Variants in KLHL8 observed in about 807,000 individuals in gnomAD.
KLHL8 encodes the protein kelch-like protein 8.
Under a neutral mutation model 63.5 loss-of-function variants are expected in KLHL8, and 38 were observed. That is an observed-to-expected ratio of 0.60 (90% CI 0.46 to 0.78). KLHL8 has a LOEUF of 0.78. Among genes scored for constraint, KLHL8 ranks in the 30% least tolerant of loss-of-function variants. The pLI is 0.00. For synonymous variants in KLHL8, 224 were observed against 254.3 expected, an observed-to-expected ratio of 0.88 and a Z score of 1.13; for missense variants, 566 against 752.4, an observed-to-expected ratio of 0.75 and a Z score of 2.90.
Position 87,160,271 on chromosome 4 carries a change from A to G in KLHL8, c.*3248T>C, listed in dbSNP as rs1437575686. ...TGGTTTTAAGAAAATATTATAGAGA[A>G]GTTTTACTGACACTTGGAATTTTAC... On this transcript the variant is annotated 3_prime_UTR_variant, in exon 10 of 10. Coordinates refer to ENST00000273963, the MANE Select transcript of KLHL8 (RefSeq NM_020803.5). The G allele has an allele frequency of 6.6e-6, 1 of 152,208 alleles. No homozygotes were observed. The highest frequency in any genetic ancestry group is 2.4e-5 in the African/African-American group (1 of 41,462). The allele number at this position is 152,208 out of a possible 1,614,324, so 9.4% of individuals were successfully genotyped here.
chr4:87,207,421 CAGGA>C (rs1732176209), intron 1 of KLHL8: 1 of 691,852 alleles, frequency 1.4e-6, no homozygotes, highest in South Asian at 1.5e-5. Context: ...AGCTCACTTG[CAGGA>C]AGGAGCCAAA....
chr4:87,226,561 C>T, intron 1 of KLHL8, among the ~76,000 whole-genome samples: 1 of 119,426 alleles, frequency 8.4e-6, no homozygotes, highest in African/African-American at 3.4e-5. Context: ...GACTCTGTCT[C>T]TCTCTCGCTC....
chr4:87,228,898 C>G (rs1217283424), intron 1 of KLHL8, among the ~76,000 whole-genome samples: 1 of 152,222 alleles, frequency 6.6e-6, no homozygotes, highest in African/African-American at 2.4e-5. Flanking sequence ...CAATCTACCA[C>G]CCATGTACCC....
Position 87,161,032 on chromosome 4 carries a change from CTTTTT to C in KLHL8, c.*2482_*2486del, listed in dbSNP as rs1185722917. 2 of 136,962 alleles carry C rather than the reference CTTTTT, an allele frequency of 1.5e-5. No homozygotes were observed. Among genetic ancestry groups the C allele is most frequent in the Non-Finnish European group, 3.1e-5 (2 of 64,556 alleles). The allele number at this position is 136,962 out of a possible 1,614,324, so 8.5% of individuals were successfully genotyped here. ...GAGAACTGTGCACATATTGATTCTG[CTTTTT>C]TATCTTTTTTTTTTTTTTTTTTTTG... On this transcript the variant is annotated 3_prime_UTR_variant, in exon 10 of 10. Coordinates refer to ENST00000273963, the MANE Select transcript of KLHL8 (RefSeq NM_020803.5).
intron 1 of KLHL8, among the ~76,000 whole-genome samples, chr4:87,197,190 A>G (rs1731731396): frequency 1.1e-5 from 1 of 94,640 alleles, no homozygotes; most frequent in African/African-American, 3.2e-5. Flanking sequence ...GCATGCAGGA[A>G]GAACCTGTGA....
chr4:87,219,828 A>C (rs1732752118), intron 1 of KLHL8: 1 of 152,266 alleles, frequency 6.6e-6, no homozygotes, highest in African/African-American at 2.4e-5. Flanking sequence ...GCTCCCGGGA[A>C]GGCACCTCCA....
chr4:87,169,977 C>T (rs542774662), intron 8 of KLHL8, 102 bp downstream of exon 8: 76 of 870,312 alleles, frequency 8.7e-5, no homozygotes, highest in Non-Finnish European at 1.2e-4. Flanking sequence ...ATTTCAGGAC[C>T]GATTCTACTT....
At chr4:87,177,392 A>G (rs1426454057) in intron 5 of KLHL8, among the ~76,000 whole-genome samples, 1 of 152,058 alleles carries the variant, frequency 6.6e-6, no homozygotes, top group Non-Finnish European at 1.5e-5. Flanking sequence ...CTGTAATCCC[A>G]GCTACTTGGG....
intron 1 of KLHL8, among the ~76,000 whole-genome samples, chr4:87,201,444 G>C (rs753302693): frequency 2.0e-5 from 3 of 152,302 alleles, no homozygotes; most frequent in Non-Finnish European, 4.4e-5. Context: ...TATAATTGAA[G>C]AGATTTAAAC....
At chr4:87,221,288 G>C (rs907656138), upstream of KLHL8, 1 of 151,374 alleles carries the variant, frequency 6.6e-6, no homozygotes, top group Non-Finnish European at 1.5e-5. Context: ...CCAGCTATTC[G>C]CAAGGCTGAG....
chr4:87,235,643 C>T (rs530923401), intron 1 of KLHL8, among the ~76,000 whole-genome samples: 2 of 152,284 alleles, frequency 1.3e-5, no homozygotes, highest in South Asian at 2.1e-4. Flanking sequence ...ATCATTTAAT[C>T]GTCACCTAGC....
rs924133072 is a variant in KLHL8 at position 87,163,254 on chromosome 4, A to G, written c.*265T>C. ...CAAGATTTTTGGCACTACTTTAAGC[A>G]TTTTTCAGGGTAGGTATGATTTTAA... On this transcript the variant is annotated 3_prime_UTR_variant, in exon 10 of 10. Transcript: ENST00000273963. 3.9e-6 allele frequency: 1 copy of G among 256,736 alleles called. No individual in the cohort carries two copies. The highest frequency in any genetic ancestry group is 2.2e-5 in the African/African-American group (1 of 44,600). The allele number at this position is 256,736 out of a possible 1,614,324, so 15.9% of individuals were successfully genotyped here.
chr4:87,204,620 C>T (rs888881746), intron 1 of KLHL8, among the ~76,000 whole-genome samples: 3 of 152,302 alleles, frequency 2.0e-5, no homozygotes, highest in African/African-American at 7.2e-5. Context: ...TACAATAGAA[C>T]ACTACCTCAC....
chr4:87,196,209 A>G lies in KLHL8; in HGVS notation c.-151-519T>C, dbSNP rs549976923. 5.3e-5 allele frequency among the ~76,000 whole-genome samples: 8 copies of G among 151,992 alleles called. No individual in the cohort carries two copies. The South Asian group carries it at 1.7e-3, about 32-fold the overall frequency. ...CTATAGATGATAGGTAAAGTTCACT[A>G]AAGATTTTTTCATCCAAGCCTAAGT... On this transcript the variant is annotated intron_variant, in intron 1 of 9. Coordinates refer to ENST00000273963, the MANE Select transcript of KLHL8 (RefSeq NM_020803.5).
At chr4:87,201,280 A>T (rs1560709329) in intron 1 of KLHL8, among the ~76,000 whole-genome samples, 1 of 152,234 alleles carries the variant, frequency 6.6e-6, no homozygotes, top group Non-Finnish European at 1.5e-5. Context: ...TTTCACCGCA[A>T]TAAAAAAAGA....
At position 87,169,434 on chromosome 4, in the gene KLHL8, C is replaced by A. The variant is rs1056565386; in HGVS notation, c.1537+645G>T. 2.6e-5 allele frequency among the ~76,000 whole-genome samples: 4 copies of A among 152,194 alleles called. No individual in the cohort carries two copies. In the East Asian group the frequency reaches 7.7e-4, roughly 29 times the overall value. On this transcript the variant is annotated intron_variant, in intron 8 of 9. Transcript: ENST00000273963. The stretch of plus-strand genomic sequence containing the variant: ...GTAGCAAAGCACATTCAATCTGTGT[C>A]CTTCCATTTAAAAACATATACCTTA...
At chr4:87,183,164 A>T (rs1560698391) in intron 4 of KLHL8, 39 bp downstream of exon 4, 1 of 1,477,418 alleles carries the variant, frequency 6.8e-7, no homozygotes, top group Non-Finnish European at 9.2e-7. Context: ...AAATACAACA[A>T]AGATCCTTCC....
At chr4:87,193,262 T>C (rs1307940076) in intron 2 of KLHL8, among the ~76,000 whole-genome samples, 1 of 152,180 alleles carries the variant, frequency 6.6e-6, no homozygotes, top group Non-Finnish European at 1.5e-5. Context: ...TTTTTTTCTT[T>C]TACTTTTTAA....
intron 1 of KLHL8, among the ~76,000 whole-genome samples, chr4:87,238,331 TTTG>T (rs1217640102): frequency 6.6e-6 from 1 of 152,212 alleles, no homozygotes; most frequent in Non-Finnish European, 1.5e-5. Flanking sequence ...TTTGAAAATA[TTTG>T]TTATGTATTT....
Sources: gnomAD v4.1 joint callset for allele counts (sites outside exome capture counted in the v4.1 genomes callset) on GRCh38, gnomAD v4.1.1 for gene constraint, MANE v1.5 for transcripts, NCBI Gene and HGNC (gene_info 2026-07-23, HGNC 2026-07-21) for gene names.